IKZF1: variants seen among roughly 807,000 people sequenced by gnomAD.
The protein encoded by IKZF1 is IKAROS family zinc finger 1, also known as DNA-binding protein Ikaros.
Under a neutral mutation model 51.7 loss-of-function variants are expected in IKZF1, and 10 were observed. The observed-to-expected ratio is 0.19, with a 90% confidence interval of 0.12 to 0.33. The LOEUF (loss-of-function observed/expected upper bound fraction) is 0.33, where lower values mean the gene tolerates loss of function less well. IKZF1 is among the 10% of genes least tolerant of loss of function. The pLI, the probability that IKZF1 is intolerant of heterozygous loss-of-function variation, is 1.00. For missense variants in IKZF1, 484 were observed against 707.5 expected, an observed-to-expected ratio of 0.68 and a Z score of 3.58; for synonymous variants, 280 against 282.3, an observed-to-expected ratio of 0.99 and a Z score of 0.08.
At chr7:50,319,651 G>A (rs1792606705) in intron 2 of IKZF1, among the ~76,000 whole-genome samples, 1 of 152,190 alleles carries the variant, frequency 6.6e-6, no homozygotes, top group Non-Finnish European at 1.5e-5. Context: ...CACTGAGGGT[G>A]GACGGCGAGC....
At position 50,376,751 on chromosome 7, in the gene IKZF1, A is replaced by C. The variant is rs1263696689; in HGVS notation, c.379A>C (p.Ile127Leu). ...LKCDICGIIC[I>L]GPNVLMVHKR... Reference sequence around the variant, plus strand: ...GTGTGATATCTGTGGGATCATTTGCATCGGGCCCAATGTGCTCATGGTTCA... The same window carrying C: ...GTGTGATATCTGTGGGATCATTTGCCTCGGGCCCAATGTGCTCATGGTTCA... Residue 127 changes from isoleucine to leucine, a missense_variant, in exon 4 of 8, where the codon ATC becomes CTC. Ile to Leu is a conservative substitution (Grantham distance 5). This residue lies in a region of IKZF1 where 53 missense variants were observed against 167.7 expected (regional missense o/e 0.32). Transcript: ENST00000331340. The surrounding 1 kb of genome is among the most constrained non-coding windows in gnomAD (Gnocchi z 4.5). 2.5e-6 allele frequency: 4 copies of C among 1,613,852 alleles called. No individual in the cohort carries two copies.
At chr7:50,356,007 AATGCCACAG>A (rs1803255468) in intron 3 of IKZF1, among the ~76,000 whole-genome samples, 1 of 152,170 alleles carries the variant, frequency 6.6e-6, no homozygotes, top group Non-Finnish European at 1.5e-5. Context: ...ACGAACAGAA[AATGCCACAG>A]ATGGGTTAAT....
In IKZF1 at chr7:50,387,488, G is replaced by T. The variant is rs1449836533; in HGVS notation, c.715+18G>T. ...GTACCCAGGTAAGCGCTGCTGCTCG[G>T]AGGCCAGCCTGGTGGGCTCTCCCCC... On this transcript the variant is annotated intron_variant, in intron 6 of 7. Coordinates refer to ENST00000331340, the MANE Select transcript of IKZF1 (RefSeq NM_006060.6). The T allele has an allele frequency of 1.9e-6, 3 of 1,599,670 alleles. No homozygotes were observed. The South Asian group carries it at 3.4e-5, about 18-fold the overall frequency.
intron 2 of IKZF1, among the ~76,000 whole-genome samples, chr7:50,319,427 A>AAG (rs368445176): frequency 9.2e-5 from 14 of 151,576 alleles, no homozygotes; most frequent in South Asian, 2.1e-4. Context: ...ATGGTACTTA[A>AAG]AGAGAGAGAG....
chr7:50,366,688 C>G (rs1807054472), intron 3 of IKZF1, among the ~76,000 whole-genome samples: 1 of 152,178 alleles, frequency 6.6e-6, no homozygotes, highest in Non-Finnish European at 1.5e-5. Context: ...TGTAATGTTC[C>G]TATTTGCAAA....
rs1818198378 is a variant in IKZF1 at position 50,401,932 on chromosome 7, T to C, written c.*1305T>C. The C allele has an allele frequency of 4.4e-6, 1 of 226,964 alleles. No homozygotes were observed. Among genetic ancestry groups the C allele is most frequent in the Admixed American group, 5.7e-5 (1 of 17,512 alleles). 14.1% of individuals were successfully genotyped at this position (226,964 alleles called of 1,614,324 possible). A position where few individuals can be genotyped will look rare whatever the true frequency, so the allele number is the denominator to read the frequency against. ...TCCACACATACATAGGATGGCTGGC[T>C]CTGCACCTGTAGGATATTGGAATGC... On this transcript the variant is annotated 3_prime_UTR_variant, in exon 8 of 8. Coordinates refer to ENST00000331340, the MANE Select transcript of IKZF1 (RefSeq NM_006060.6).
chr7:50,305,128 C>A (rs570464138), intron 1 of IKZF1, among the ~76,000 whole-genome samples: 2 of 152,248 alleles, frequency 1.3e-5, no homozygotes, highest in Admixed American at 1.3e-4. Context: ...AGGACCAGGC[C>A]GACATGGGAC....
intron 1 of IKZF1, among the ~76,000 whole-genome samples, chr7:50,307,688 A>G (rs910412890): frequency 2.6e-5 from 4 of 152,210 alleles, no homozygotes; most frequent in African/African-American, 9.7e-5. Context: ...ACATTAATCT[A>G]TTTCACGTCT....
intron 1 of IKZF1, among the ~76,000 whole-genome samples, chr7:50,314,405 C>T (rs555697886): frequency 1.3e-4 from 20 of 152,306 alleles, no homozygotes; most frequent in African/African-American, 4.1e-4. Flanking sequence ...CCACCACGCC[C>T]GGCAACTACA....
intron 6 of IKZF1, among the ~76,000 whole-genome samples, chr7:50,389,216 G>T (rs60833957): frequency 6.6e-6 from 1 of 152,122 alleles, no homozygotes; most frequent in Non-Finnish European, 1.5e-5. Flanking sequence ...TCATAGCAGC[G>T]CTCTGAAAGA....
chr7:50,386,242 A>C (rs1222166288), intron 5 of IKZF1, among the ~76,000 whole-genome samples: 1 of 152,200 alleles, frequency 6.6e-6, no homozygotes, highest in African/African-American at 2.4e-5. Context: ...CTAAAATATC[A>C]CTCAATAAAA....
intron 3 of IKZF1, among the ~76,000 whole-genome samples, chr7:50,330,266 A>G (rs1475444607): frequency 1.3e-5 from 2 of 152,034 alleles, no homozygotes; most frequent in African/African-American, 4.8e-5. Context: ...AAATTTAAAA[A>G]CCCTAGAAAA....
intron 2 of IKZF1, among the ~76,000 whole-genome samples, chr7:50,320,380 G>A (rs750704338): frequency 2.6e-5 from 4 of 152,042 alleles, no homozygotes; most frequent in Non-Finnish European, 5.9e-5. Flanking sequence ...TATAGTAATC[G>A]GATCAGGTAA....
At chr7:50,313,414 G>C (rs544348956) in intron 1 of IKZF1, among the ~76,000 whole-genome samples, 9 of 152,296 alleles carry the variant, frequency 5.9e-5, no homozygotes, top group Admixed American at 2.0e-4. Flanking sequence ...CATACATTTG[G>C]CCAAATAACC....
At position 50,400,146 on chromosome 7, in the gene IKZF1, G is replaced by T. The variant is rs896917396; in HGVS notation, c.1079G>T (p.Arg360Leu). The change falls in exon 8 of 8, where the codon CGC (arginine) becomes CTC (leucine). Residue 360 changes from arginine to leucine, a missense_variant. Transcript: ENST00000331340. This position sits in a 1 kb window ranked among gnomAD's most constrained non-coding sequence, Gnocchi z 5.4. ...LHKPLAEGTP[R>L]SNHSAQDSAV... ...AAGCCGCTCGCGGAGGGCACCCCGC[G>T]CTCCAACCACTCGGCCCAGGACAGC... 2 of 1,562,074 alleles carry T rather than the reference G, an allele frequency of 1.3e-6. No homozygotes were observed. Among genetic ancestry groups the T allele is most frequent in the Non-Finnish European group, 1.7e-6 (2 of 1,154,964 alleles).
intron 1 of IKZF1, among the ~76,000 whole-genome samples, chr7:50,309,970 A>G (rs1789763311): frequency 6.6e-6 from 1 of 152,204 alleles, no homozygotes; most frequent in Admixed American, 6.5e-5. Context: ...TTTTAACCGG[A>G]AAAAGTGACC....
At chr7:50,343,078 TCTC>T in intron 3 of IKZF1, among the ~76,000 whole-genome samples, 1 of 151,534 alleles carries the variant, frequency 6.6e-6, no homozygotes, top group South Asian at 2.1e-4. Flanking sequence ...CCTTTCTCTT[TCTC>T]CTTTCTTTCC....
At chr7:50,368,896 A>C (rs952749953) in intron 3 of IKZF1, 84 of 220,718 alleles carry the variant, frequency 3.8e-4, no homozygotes, top group Non-Finnish European at 1.5e-4. Flanking sequence ...ATAGGCTCTA[A>C]TTTGAACAGT....
intron 4 of IKZF1, among the ~76,000 whole-genome samples, chr7:50,380,802 T>G (rs1048985736): frequency 1.3e-5 from 2 of 152,246 alleles, no homozygotes; most frequent in African/African-American, 2.4e-5. Flanking sequence ...AATAGATAAT[T>G]AAATGATCTC....
Sources: gnomAD v4.1 joint callset for allele counts (sites outside exome capture counted in the v4.1 genomes callset) on GRCh38, gnomAD v4.1.1 for gene constraint, gnomAD v4.1.1 regional missense constraint, Gnocchi (gnomAD v3.1) non-coding constraint, MANE v1.5 for transcripts, NCBI Gene and HGNC (gene_info 2026-07-23, HGNC 2026-07-21) for gene names.